The following SLC44A5 variants were observed in gnomAD, a reference collection of about 807,000 sequenced individuals.
SLC44A5 encodes choline transporter-like protein 5.
A neutral mutation model predicts 101.8 loss-of-function variants in SLC44A5; 57 were observed. The observed-to-expected ratio is 0.56, with a 90% CI of 0.45 to 0.70. The LOEUF (loss-of-function observed/expected upper bound fraction) is 0.70, where lower values mean the gene tolerates loss of function less well. Among genes scored for constraint, SLC44A5 ranks in the 30% least tolerant of loss-of-function variants. The pLI is 0.00. For synonymous variants in SLC44A5, 281 were observed against 290.9 expected (o/e 0.97, Z 0.35); for missense variants, 737 against 853.1 (o/e 0.86, Z 1.70).
intron 2 of SLC44A5, among the ~76,000 whole-genome samples, chr1:75,416,657 C>T (rs917060546): frequency 4.6e-5 from 7 of 152,128 alleles, no homozygotes; most frequent in African/African-American, 9.7e-5. Flanking sequence ...TGAAAGCAGC[C>T]GGGAAGAAGG....
At chr1:75,475,820 T>C (rs1452592225) in intron 2 of SLC44A5, among the ~76,000 whole-genome samples, 1 of 152,230 alleles carries the variant, frequency 6.6e-6, no homozygotes, top group Admixed American at 6.5e-5. Flanking sequence ...TTACTAATTA[T>C]GTGATGGTGG....
chr1:75,589,162 C>T (rs2102100411), intron 1 of SLC44A5, among the ~76,000 whole-genome samples: 1 of 152,134 alleles, frequency 6.6e-6, no homozygotes, highest in Admixed American at 6.6e-5. Context: ...ACCTCTGCCA[C>T]CTAATCTGCC....
chr1:75,438,512 C>CA (rs767983162), intron 2 of SLC44A5, among the ~76,000 whole-genome samples: 33 of 152,148 alleles, frequency 2.2e-4, no homozygotes, highest in Non-Finnish European at 4.1e-4. Context: ...AAGTAGGGAG[C>CA]ACTGTGCAGT....
At chr1:75,662,993 G>T in the SLC44A5 span, among the ~76,000 whole-genome samples, 2 of 152,064 alleles carry the variant, frequency 1.3e-5, no homozygotes, top group Non-Finnish European at 2.9e-5. Context: ...TTTATACAAA[G>T]ATTAGTTCCC....
chr1:75,394,793 G>T (rs1662022289), intron 3 of SLC44A5, among the ~76,000 whole-genome samples: 1 of 151,978 alleles, frequency 6.6e-6, no homozygotes, highest in Non-Finnish European at 1.5e-5. Flanking sequence ...AAAAAGAAAA[G>T]ACAAAAATGC....
At chr1:75,399,719 T>C (rs997728069) in intron 2 of SLC44A5, among the ~76,000 whole-genome samples, 3 of 152,200 alleles carry the variant, frequency 2.0e-5, no homozygotes, top group South Asian at 2.1e-4. Flanking sequence ...AAAAATTGTA[T>C]ATCTGGAAGG....
rs567491607 is a variant in SLC44A5, at chr1:75,583,150, T to C, written c.-70+27890A>G. The stretch of plus-strand genomic sequence containing the variant: ...GGGGAAGAGAAGCTGTGAGAAGACA[T>C]AGGGGAGGACTCTGTTCTGGTTTTT... On this transcript the variant is annotated intron_variant, in intron 1 of 23. Coordinates refer to ENST00000370859, the MANE Select transcript of SLC44A5 (RefSeq NM_001130058.2). Among the ~76,000 whole-genome samples, 12 of 152,252 alleles carry C rather than the reference T, an allele frequency of 7.9e-5. No homozygotes were observed. The South Asian group carries it at 1.2e-3, about 16-fold the overall frequency.
intron 2 of SLC44A5, among the ~76,000 whole-genome samples, chr1:75,400,417 C>T (rs985108846): frequency 3.3e-5 from 5 of 152,130 alleles, no homozygotes; most frequent in African/African-American, 1.2e-4. Flanking sequence ...TGCATGGGTC[C>T]TTCTCACAGA....
At chr1:75,522,644 G>A (rs1379983531) in intron 2 of SLC44A5, among the ~76,000 whole-genome samples, 1 of 152,092 alleles carries the variant, frequency 6.6e-6, no homozygotes, top group Admixed American at 6.6e-5. Context: ...ATGCATAATG[G>A]CTTAGAACCT....
chr1:75,277,503 A>T (rs1652022118), intron 5 of SLC44A5, among the ~76,000 whole-genome samples: 1 of 152,190 alleles, frequency 6.6e-6, no homozygotes, highest in Admixed American at 6.5e-5. Context: ...TAACCACCAA[A>T]CTAGAAAGGC....
At chr1:75,343,217 C>T (rs945638646) in intron 3 of SLC44A5, among the ~76,000 whole-genome samples, 2 of 152,072 alleles carry the variant, frequency 1.3e-5, no homozygotes, top group African/African-American at 2.4e-5. Context: ...TTCTGATCAC[C>T]AAGTTTATTG....
intron 3 of SLC44A5, among the ~76,000 whole-genome samples, chr1:75,371,199 G>C (rs1660200372): frequency 6.6e-6 from 1 of 152,146 alleles, no homozygotes; most frequent in Non-Finnish European, 1.5e-5. Context: ...CGAAGGCAGG[G>C]AATCAAAATT....
At chr1:75,646,940 T>C in the SLC44A5 span, among the ~76,000 whole-genome samples, 3,153 of 152,142 alleles carry the variant, frequency 0.021, 116 homozygotes, top group African/African-American at 0.072. Flanking sequence ...AAAAGAAAAA[T>C]CCATTTTCTG....
chr1:75,606,431 G>A (rs980700766), intron 1 of SLC44A5, among the ~76,000 whole-genome samples: 12 of 152,042 alleles, frequency 7.9e-5, no homozygotes, highest in African/African-American at 2.9e-4. Flanking sequence ...GTAAAAGAGA[G>A]GTTAAAACCC....
intron 1 of SLC44A5, among the ~76,000 whole-genome samples, chr1:75,565,616 C>A (rs1421402506): frequency 6.6e-6 from 1 of 152,184 alleles, no homozygotes; most frequent in Non-Finnish European, 1.5e-5. Flanking sequence ...TCCTTCACTC[C>A]AGGCAGTAAT....
the SLC44A5 span, among the ~76,000 whole-genome samples, chr1:75,673,794 G>A: frequency 9.9e-5 from 15 of 152,068 alleles, no homozygotes; most frequent in African/African-American, 3.6e-4. Flanking sequence ...AATTCTCCTG[G>A]ATCTTACCTA....
chr1:75,349,966 AG>A (rs1658521245), intron 3 of SLC44A5, among the ~76,000 whole-genome samples: 1 of 152,174 alleles, frequency 6.6e-6, no homozygotes, highest in South Asian at 2.1e-4. Flanking sequence ...AAGAAAGAAA[AG>A]GAAAATAAAC....
intron 2 of SLC44A5, among the ~76,000 whole-genome samples, chr1:75,471,651 T>G (rs1197311922): frequency 6.6e-6 from 1 of 152,130 alleles, no homozygotes; most frequent in African/African-American, 2.4e-5. Context: ...GTGTTCAAAG[T>G]ATTTCCTCTC....
rs1662126425 is a variant in SLC44A5 at position 75,396,450 on chromosome 1, A to C, written c.52+133T>G. The C allele has an allele frequency of 4.0e-6, 3 of 745,966 alleles. No individual in the cohort carries two copies. In the South Asian group the frequency reaches 5.7e-5, roughly 14 times the overall value. The allele number at this position is 745,966 out of a possible 1,614,324, so 46.2% of individuals were successfully genotyped here. On this transcript the variant is annotated intron_variant, in intron 3 of 23. Transcript: ENST00000370859. ...GACAGTTGAAAGAAGAATCCAAAAA[A>C]AGCTTCAGTCAGCAATTATTCTTTA...
Sources: gnomAD v4.1 joint callset for allele counts (sites outside exome capture counted in the v4.1 genomes callset) on GRCh38, gnomAD v4.1.1 for gene constraint, MANE v1.5 for transcripts, NCBI Gene and HGNC (gene_info 2026-07-23, HGNC 2026-07-21) for gene names.